TUSC3: variants seen among roughly 807,000 people sequenced by gnomAD.
TUSC3 encodes the protein dolichyl-diphosphooligosaccharide--protein glycosyltransferase subunit TUSC3.
Under a neutral mutation model 44.8 loss-of-function variants are expected in TUSC3, and 45 were observed. That is an observed-to-expected ratio of 1.00 (90% CI 0.79 to 1.29). TUSC3 has a LOEUF of 1.29. Among genes scored for constraint, TUSC3 ranks in the 50% most tolerant of loss-of-function variants. The pLI is 0.00. For synonymous variants in TUSC3, 212 were observed against 152.9 expected (o/e 1.39, Z -2.85); for missense variants, 519 against 437.9 (o/e 1.19, Z -1.65).
intron 1 of TUSC3, among the ~76,000 whole-genome samples, chr8:15,453,705 A>T (rs1406226062): frequency 6.6e-6 from 1 of 152,226 alleles, no homozygotes; most frequent in East Asian, 1.9e-4. Context: ...TAGTATAATT[A>T]CACAGAGAAT....
chr8:15,788,334 G>A, the TUSC3 span, among the ~76,000 whole-genome samples: 1 of 151,968 alleles, frequency 6.6e-6, no homozygotes, highest in Non-Finnish European at 1.5e-5. Flanking sequence ...ATCACTTAAG[G>A]TCAGGAGTTT....
At chr8:15,644,469 A>G (rs1202858522) in intron 2 of TUSC3, among the ~76,000 whole-genome samples, 2 of 152,182 alleles carry the variant, frequency 1.3e-5, no homozygotes, top group South Asian at 2.1e-4. Flanking sequence ...GCCATTTCAG[A>G]TGGTAGTGAG....
At chr8:15,523,883 C>T (rs1166204727) in intron 2 of TUSC3, among the ~76,000 whole-genome samples, 1 of 151,210 alleles carries the variant, frequency 6.6e-6, no homozygotes, top group Admixed American at 6.6e-5. Flanking sequence ...TGGTGAAACC[C>T]CGTGTCTACT....
chr8:15,754,855 T>A (rs1439801866), intron 9 of TUSC3, among the ~76,000 whole-genome samples: 1 of 152,128 alleles, frequency 6.6e-6, no homozygotes, highest in Non-Finnish European at 1.5e-5. Flanking sequence ...CTTAAGTTCT[T>A]CTATCTGAAG....
chr8:15,744,800 A>AT (rs1489261982), intron 8 of TUSC3, among the ~76,000 whole-genome samples: 5 of 152,004 alleles, frequency 3.3e-5, no homozygotes, highest in Admixed American at 6.6e-5. Context: ...AGGACATACT[A>AT]TTTTTTTAAT....
At chr8:15,762,355 T>G (rs1327238900) in intron 10 of TUSC3, among the ~76,000 whole-genome samples, 1 of 152,008 alleles carries the variant, frequency 6.6e-6, no homozygotes, top group South Asian at 2.1e-4. Context: ...CATAATGATA[T>G]AAACAACTGA....
intron 2 of TUSC3, among the ~76,000 whole-genome samples, chr8:15,489,616 T>C (rs1051507070): frequency 1.3e-5 from 2 of 152,226 alleles, no homozygotes; most frequent in African/African-American, 2.4e-5. Context: ...GGATCTGCTG[T>C]CATGTGATGC....
chr8:15,502,927 T>C (rs1800987456), intron 2 of TUSC3, among the ~76,000 whole-genome samples: 3 of 152,242 alleles, frequency 2.0e-5, no homozygotes, highest in African/African-American at 7.2e-5. Context: ...CTTTATTCTA[T>C]TTTTTATTTG....
At chr8:15,459,543 T>G (rs1203292913) in intron 1 of TUSC3, among the ~76,000 whole-genome samples, 1 of 152,032 alleles carries the variant, frequency 6.6e-6, no homozygotes, top group African/African-American at 2.4e-5. Flanking sequence ...TAGTGGTGAT[T>G]TGTGAGATTT....
intron 6 of TUSC3, among the ~76,000 whole-genome samples, chr8:15,679,179 C>T (rs969288053): frequency 1.3e-5 from 2 of 152,132 alleles, no homozygotes; most frequent in African/African-American, 4.8e-5. Context: ...GAAAAATCTC[C>T]AAAGTACTTT....
chr8:15,605,958 C>T lies in TUSC3; in HGVS notation c.139-17122C>T, dbSNP rs139975054. Among the ~76,000 whole-genome samples the T allele has an allele frequency of 2.7e-3, 409 of 152,068 alleles. 2 individuals carry two copies. Among genetic ancestry groups the T allele is most frequent in the African/African-American group, 9.5e-3 (393 of 41,536 alleles). On this transcript the variant is annotated intron_variant, in intron 1 of 10. Coordinates refer to ENST00000503731, the MANE Select transcript of TUSC3 (RefSeq NM_006765.4). ...ATGACACTGATCATCTCCATGTGAG[C>T]CCTTCATCTCTCCAGTGAGTTGCAT...
At chr8:15,818,614 T>G in the TUSC3 span, among the ~76,000 whole-genome samples, 20 of 152,284 alleles carry the variant, frequency 1.3e-4, no homozygotes, top group South Asian at 4.1e-3. Flanking sequence ...ACACGGAGGA[T>G]CAGAACAGGG....
chr8:15,613,037 T>A (rs554140235), intron 1 of TUSC3, among the ~76,000 whole-genome samples: 57 of 148,344 alleles, frequency 3.8e-4, no homozygotes, highest in African/African-American at 1.4e-3. Flanking sequence ...AGCCATCGCA[T>A]ATCAATATAA....
chr8:15,830,484 C>T, the TUSC3 span, among the ~76,000 whole-genome samples: 14,835 of 152,122 alleles, frequency 0.098, 852 homozygotes, highest in East Asian at 0.25. Flanking sequence ...GCACTATTCA[C>T]AGTAGCAAGG....
chr8:15,841,767 G>A, the TUSC3 span, among the ~76,000 whole-genome samples: 3 of 152,160 alleles, frequency 2.0e-5, no homozygotes, highest in Admixed American at 1.3e-4. Flanking sequence ...GACCGCCTTG[G>A]CCTCCCAAAG....
chr8:15,512,800 A>C (rs528045645), intron 2 of TUSC3, among the ~76,000 whole-genome samples: 29 of 85,960 alleles, frequency 3.4e-4, no homozygotes, highest in African/African-American at 8.9e-4. Flanking sequence ...ATCAATCAAT[A>C]AATCCCATTC....
At chr8:15,596,777 G>C (rs1030548667) in intron 1 of TUSC3, among the ~76,000 whole-genome samples, 3 of 152,024 alleles carry the variant, frequency 2.0e-5, no homozygotes, top group African/African-American at 7.2e-5. Flanking sequence ...TGTTTTGGTT[G>C]GGGTTGAATA....
intron 1 of TUSC3, among the ~76,000 whole-genome samples, chr8:15,421,648 G>C (rs1031352768): frequency 6.6e-6 from 1 of 152,032 alleles, no homozygotes; most frequent in Admixed American, 6.6e-5. Flanking sequence ...TTTGCGTTTT[G>C]TCCACTAATG....
chr8:15,474,026 T>C (rs1368592990), intron 1 of TUSC3, among the ~76,000 whole-genome samples: 1 of 152,130 alleles, frequency 6.6e-6, no homozygotes, highest in East Asian at 1.9e-4. Flanking sequence ...AGCAACTGTT[T>C]ATAGACCTCC....
Sources: gnomAD v4.1 joint callset for allele counts (sites outside exome capture counted in the v4.1 genomes callset) on GRCh38, gnomAD v4.1.1 for gene constraint, MANE v1.5 for transcripts, NCBI Gene and HGNC (gene_info 2026-07-23, HGNC 2026-07-21) for gene names.